NBAS: variants seen among roughly 807,000 people sequenced by gnomAD.
NBAS encodes NAG/BC035112 fusion.
A neutral mutation model predicts 302.5 loss-of-function variants in NBAS; 219 were observed. The ratio of observed to expected loss-of-function variants is 0.72; its 90% CI spans 0.65 to 0.81. The LOEUF (loss-of-function observed/expected upper bound fraction) is 0.81, where lower values mean the gene tolerates loss of function less well. NBAS is among the 30% of genes least tolerant of loss of function. The pLI is 0.00. For synonymous variants in NBAS, 1,118 were observed against 1,021.6 expected, an observed-to-expected ratio of 1.09 and a Z score of -1.80; for missense variants, 2,932 against 2,841.6, an observed-to-expected ratio of 1.03 and a Z score of -0.72.
intron 9 of NBAS, among the ~76,000 whole-genome samples, chr2:15,525,848 T>C (rs1220398872): frequency 6.6e-6 from 1 of 152,120 alleles, no homozygotes; most frequent in African/African-American, 2.4e-5. Context: ...ATTAAAAAGT[T>C]ATATACTACT....
chr2:14,937,992 G>T, the NBAS span, among the ~76,000 whole-genome samples: 1 of 152,082 alleles, frequency 6.6e-6, no homozygotes, highest in Non-Finnish European at 1.5e-5. Context: ...AGCCGTCATG[G>T]TGGTACGCAC....
chr2:15,467,506 C>A, intron 18 of NBAS, 99 bp from the exon 19 acceptor site: 12 of 1,308,736 alleles, frequency 9.2e-6, no homozygotes, highest in Non-Finnish European at 1.3e-5. Context: ...GCCCAAAACT[C>A]ATGAAACAGT....
chr2:15,033,954 G>A, the NBAS span, among the ~76,000 whole-genome samples: 1 of 135,430 alleles, frequency 7.4e-6, no homozygotes. Flanking sequence ...TCAAAAAAGT[G>A]AAAAGAAGAA....
At chr2:15,090,852 G>A in the NBAS span, among the ~76,000 whole-genome samples, 1 of 152,112 alleles carries the variant, frequency 6.6e-6, no homozygotes, top group East Asian at 1.9e-4. Flanking sequence ...AGCCTAAACC[G>A]CTTGACTTTC....
chr2:14,922,522 T>C, the NBAS span, among the ~76,000 whole-genome samples: 1 of 152,206 alleles, frequency 6.6e-6, no homozygotes, highest in Admixed American at 6.5e-5. Flanking sequence ...ACCTTTCCTT[T>C]ACATCCTCAC....
intron 31 of NBAS, among the ~76,000 whole-genome samples, 194 bp downstream of exon 31, chr2:15,374,414 G>A (rs944539683): frequency 6.6e-6 from 1 of 152,002 alleles, no homozygotes; most frequent in Non-Finnish European, 1.5e-5. Flanking sequence ...TAAATTTATG[G>A]TAAAATGTTG....
chr2:14,930,247 C>T, the NBAS span, among the ~76,000 whole-genome samples: 3 of 152,144 alleles, frequency 2.0e-5, no homozygotes, highest in African/African-American at 7.2e-5. Context: ...AGAAGCAGCA[C>T]ACAAAGTGAG....
the NBAS span, among the ~76,000 whole-genome samples, chr2:14,799,017 G>A: frequency 1.5e-4 from 22 of 151,686 alleles, no homozygotes; most frequent in African/African-American, 5.3e-4. Context: ...TTACTACTTT[G>A]TTTTCTTATT....
the NBAS span, among the ~76,000 whole-genome samples, chr2:14,995,722 C>T: frequency 6.6e-6 from 1 of 152,120 alleles, no homozygotes; most frequent in Non-Finnish European, 1.5e-5. Flanking sequence ...CCCCAAAGAA[C>T]TTCCCCCTTT....
chr2:15,439,430 G>T (rs1397456231), intron 21 of NBAS, among the ~76,000 whole-genome samples: 1 of 151,708 alleles, frequency 6.6e-6, no homozygotes, highest in African/African-American at 2.4e-5. Context: ...AAGTTCTTGA[G>T]TAATTTAACT....
the NBAS span, among the ~76,000 whole-genome samples, chr2:15,145,946 ACT>A: frequency 2.0e-5 from 3 of 152,000 alleles, no homozygotes; most frequent in Admixed American, 6.5e-5. Flanking sequence ...TGGAGAAAAC[ACT>A]CTTTCATTCA....
Position 15,219,077 on chromosome 2 carries a change from G to A in NBAS, c.6237-109C>T, listed in dbSNP as rs185944148. ...TAACACTTGTTTGTTGGATGACTTC[G>A]TTTTTTTCCTCTTGAAAGGAAAAAT... On this transcript the variant is annotated intron_variant, in intron 47 of 51. Transcript: ENST00000281513. 9.3e-4 allele frequency: 1,269 copies of A among 1,370,068 alleles called. 2 individuals carry two copies. The highest frequency in any genetic ancestry group is 9.9e-4 in the Non-Finnish European group (980 of 994,530). 84.9% of individuals were successfully genotyped at this position (1,370,068 alleles called of 1,614,324 possible).
intron 48 of NBAS, among the ~76,000 whole-genome samples, chr2:15,198,557 G>A (rs67012275): frequency 0.083 from 12,659 of 152,036 alleles, 667 homozygotes; most frequent in South Asian, 0.22. Context: ...TGGTTGAAGC[G>A]GTAAATAAAG....
At chr2:15,303,294 G>A (rs1024111501) in intron 40 of NBAS, among the ~76,000 whole-genome samples, 1 of 152,124 alleles carries the variant, frequency 6.6e-6, no homozygotes, top group Non-Finnish European at 1.5e-5. Flanking sequence ...AACAGAAATC[G>A]GGGTAAGAGG....
intron 10 of NBAS, among the ~76,000 whole-genome samples, chr2:15,510,647 C>A (rs1662093624): frequency 6.6e-6 from 1 of 152,156 alleles, no homozygotes; most frequent in Non-Finnish European, 1.5e-5. Flanking sequence ...CCAAGGACTG[C>A]CTGACACAAA....
chr2:15,255,795 T>C (rs2148000402), intron 44 of NBAS, among the ~76,000 whole-genome samples: 1 of 152,230 alleles, frequency 6.6e-6, no homozygotes, highest in East Asian at 1.9e-4. Context: ...CCAGCACCAT[T>C]TGTTGAATAG....
At chr2:14,817,572 T>C in the NBAS span, among the ~76,000 whole-genome samples, 1 of 152,208 alleles carries the variant, frequency 6.6e-6, no homozygotes, top group East Asian at 1.9e-4. Context: ...TAAATAAATT[T>C]GTGCATAAAT....
intron 25 of NBAS, among the ~76,000 whole-genome samples, chr2:15,407,214 C>T (rs1676457943): frequency 6.6e-6 from 1 of 152,190 alleles, no homozygotes; most frequent in Admixed American, 6.5e-5. Context: ...TGGCTAGTGA[C>T]TACCATTTTG....
At chr2:15,058,406 C>T in the NBAS span, among the ~76,000 whole-genome samples, 1 of 152,146 alleles carries the variant, frequency 6.6e-6, no homozygotes, top group African/African-American at 2.4e-5. Context: ...GTTAAGAAAC[C>T]CTATAATTTA....
Sources: gnomAD v4.1 joint callset for allele counts (sites outside exome capture counted in the v4.1 genomes callset) on GRCh38, gnomAD v4.1.1 for gene constraint, MANE v1.5 for transcripts, NCBI Gene and HGNC (gene_info 2026-07-23, HGNC 2026-07-21) for gene names.